The following TNS3 variants were observed in gnomAD, a reference collection of about 807,000 sequenced individuals.
TNS3 encodes tensin-3.
In TNS3, 45 loss-of-function variants were observed where a neutral mutation model predicts 140.9. That is an observed-to-expected ratio of 0.32 (90% CI 0.25 to 0.41). TNS3 has a LOEUF of 0.41. Among genes scored for constraint, TNS3 ranks in the 10% least tolerant of loss-of-function variants. The pLI, the probability that TNS3 is intolerant of heterozygous loss-of-function variation, is 1.00. For synonymous variants in TNS3, 815 were observed against 788.4 expected, an observed-to-expected ratio of 1.03 and a Z score of -0.56; for missense variants, 1,716 against 1,906.7, an observed-to-expected ratio of 0.90 and a Z score of 1.86.
Position 47,532,643 on chromosome 7 carries a change from A to G in TNS3, c.-264-3496T>C, listed in dbSNP as rs542530061. Among the ~76,000 whole-genome samples the G allele has an allele frequency of 6.1e-4, 93 of 152,198 alleles. 1 individual carries two copies. Among genetic ancestry groups the G allele is most frequent in the African/African-American group, 2.1e-3 (89 of 41,544 alleles). ...TTAACACTTAATAAAGCTTATCTTCATCTTCTTCACCCTTCCCCGTCTGCC... is the reference window on the plus strand; with the variant it reads ...TTAACACTTAATAAAGCTTATCTTCGTCTTCTTCACCCTTCCCCGTCTGCC... On this transcript the variant is annotated intron_variant, in intron 1 of 30. Transcript: ENST00000311160.
In TNS3 at chr7:47,380,998, C is replaced by T. The variant is rs1305671444; in HGVS notation, c.1025-11377G>A. On this transcript the variant is annotated intron_variant, in intron 16 of 30. Coordinates refer to ENST00000311160, the MANE Select transcript of TNS3 (RefSeq NM_022748.12). ...TGGCTATGTAGGGACTTTGATTCCG[C>T]CAAAAAGGCCAGGGCAATGTAAATA... 2.6e-5 allele frequency among the ~76,000 whole-genome samples: 4 copies of T among 152,230 alleles called. No homozygotes were observed. The South Asian group carries it at 6.2e-4, about 24-fold the overall frequency.
At position 47,481,230 on chromosome 7, in the gene TNS3, G is replaced by A. The variant is rs563997371; in HGVS notation, c.-114-89C>T. 3.4e-5 allele frequency: 35 copies of A among 1,015,800 alleles called. 1 individual carries two copies. In the Middle Eastern group the frequency reaches 1.4e-3, roughly 42 times the overall value. The allele number at this position is 1,015,800 out of a possible 1,614,324, so 62.9% of individuals were successfully genotyped here. A position where few individuals can be genotyped will look rare whatever the true frequency, so the allele number is the denominator to read the frequency against. ...CAAGCCAGGCTCCCAAAGACTGAATGAAACTGTCTCTAACCTCACTCTGGC... is the reference window on the plus strand; with the variant it reads ...CAAGCCAGGCTCCCAAAGACTGAATAAAACTGTCTCTAACCTCACTCTGGC... On this transcript the variant is annotated intron_variant, in intron 3 of 30. Transcript: ENST00000311160.
intron 3 of TNS3, among the ~76,000 whole-genome samples, chr7:47,502,260 C>T (rs982598685): frequency 6.6e-6 from 1 of 152,086 alleles, no homozygotes; most frequent in Admixed American, 6.5e-5. Context: ...CCAGCAGGCC[C>T]GTATCCCACT....
chr7:47,471,628 G>A (rs987816518), intron 4 of TNS3, among the ~76,000 whole-genome samples: 3 of 152,182 alleles, frequency 2.0e-5, no homozygotes, highest in Admixed American at 6.5e-5. Flanking sequence ...TTTTAAACAC[G>A]TTCCACTAAC....
At chr7:47,414,138 A>G in intron 11 of TNS3, 141 bp from the exon 12 acceptor site, 3 of 815,572 alleles carry the variant, frequency 3.7e-6, no homozygotes, top group South Asian at 3.2e-5. Flanking sequence ...CAGTGCATGG[A>G]GCCACAGGGT....
At chr7:47,582,579 C>G (rs138693669), upstream of TNS3, 2 of 428,026 alleles carry the variant, frequency 4.7e-6, no homozygotes, top group Non-Finnish European at 9.5e-6. Context: ...GGAGCACAGC[C>G]GCTCCGGAAA....
At chr7:47,460,977 G>A (rs772176897) in intron 4 of TNS3, among the ~76,000 whole-genome samples, 1 of 152,124 alleles carries the variant, frequency 6.6e-6, no homozygotes, top group Non-Finnish European at 1.5e-5. Context: ...TATAGATCCC[G>A]CCATGAGAAA....
chr7:47,397,433 A>G (rs889539650), intron 15 of TNS3, among the ~76,000 whole-genome samples: 14 of 152,240 alleles, frequency 9.2e-5, no homozygotes, highest in Non-Finnish European at 1.5e-4. Context: ...ACTCCCATGC[A>G]TGTGGATCTT....
chr7:47,534,632 A>G (rs530659908), intron 1 of TNS3, among the ~76,000 whole-genome samples: 1 of 152,224 alleles, frequency 6.6e-6, no homozygotes, highest in South Asian at 2.1e-4. Flanking sequence ...AGACAGAACC[A>G]CCACTGTATA....
In TNS3 at chr7:47,573,695, C is replaced by T. The variant is rs192102530; in HGVS notation, c.-265+8356G>A. ...CTCCAGATAGAGCAACCCACCACCC[C>T]GTCTCTGGGCCTGCAGGCCTGCCCG... On this transcript the variant is annotated intron_variant, in intron 1 of 30. Transcript: ENST00000311160. Among the ~76,000 whole-genome samples, 377 of 152,320 alleles carry T rather than the reference C, an allele frequency of 2.5e-3. 1 individual carries two copies. The highest frequency in any genetic ancestry group is 3.7e-3 in the Non-Finnish European group (255 of 68,036).
Position 47,293,041 on chromosome 7 carries a change from T to C in TNS3, c.3773-136A>G, listed in dbSNP as rs116063601. The stretch of plus-strand genomic sequence containing the variant: ...TTTAGCAACTGGTATGTTAGATTAG[T>C]GTGCAGCTTTGTGTAAAACTTCAAA... On this transcript the variant is annotated intron_variant, in intron 25 of 30. Coordinates refer to ENST00000311160, the MANE Select transcript of TNS3 (RefSeq NM_022748.12). 1,530 of 656,482 alleles carry C rather than the reference T, an allele frequency of 2.3e-3. 16 individuals are homozygous for C. The highest frequency in any genetic ancestry group is 0.021 in the African/African-American group (1,137 of 54,960). 40.7% of individuals were successfully genotyped at this position (656,482 alleles called of 1,614,324 possible).
chr7:47,505,944 T>C lies in TNS3; in HGVS notation c.-115+963A>G, dbSNP rs565310676. 2.0e-5 allele frequency among the ~76,000 whole-genome samples: 3 copies of C among 152,248 alleles called. No individual in the cohort carries two copies. The South Asian group carries it at 6.2e-4, about 32-fold the overall frequency. ...GGAAAACAGACCCACATGCAGTGAG[T>C]TCATGGTAACATGAAGTCAGCTTCC... On this transcript the variant is annotated intron_variant, in intron 3 of 30. Coordinates refer to ENST00000311160, the MANE Select transcript of TNS3 (RefSeq NM_022748.12).
At chr7:47,447,369 G>A (rs1007705842) in intron 4 of TNS3, among the ~76,000 whole-genome samples, 6 of 152,080 alleles carry the variant, frequency 3.9e-5, no homozygotes, top group Non-Finnish European at 4.4e-5. Context: ...CAGACTAAGC[G>A]GCAGGAAGGC....
chr7:47,539,946 G>A (rs940407775), intron 1 of TNS3, among the ~76,000 whole-genome samples: 9 of 152,124 alleles, frequency 5.9e-5, no homozygotes, highest in South Asian at 2.1e-4. Context: ...CTGGGGATGC[G>A]AAGGGACTCA....
intron 1 of TNS3, among the ~76,000 whole-genome samples, chr7:47,545,297 G>A (rs992136836): frequency 1.3e-5 from 2 of 152,030 alleles, no homozygotes; most frequent in African/African-American, 4.8e-5. Context: ...GCACCACCAT[G>A]CCCAGCTAAT....
intron 1 of TNS3, among the ~76,000 whole-genome samples, chr7:47,575,531 T>C (rs1477159762): frequency 2.6e-5 from 4 of 152,156 alleles, no homozygotes; most frequent in Non-Finnish European, 5.9e-5. Flanking sequence ...GAAGCAAAGA[T>C]ACGGCCGGGC....
At chr7:47,520,513 C>A (rs927861898) in intron 2 of TNS3, among the ~76,000 whole-genome samples, 2 of 152,202 alleles carry the variant, frequency 1.3e-5, no homozygotes, top group East Asian at 3.8e-4. Context: ...ACAACCCAGA[C>A]CGTTGAGAAA....
chr7:47,321,142 G>A lies in TNS3; in HGVS notation c.2651-16139C>T, dbSNP rs1478495699. 3.3e-5 allele frequency among the ~76,000 whole-genome samples: 5 copies of A among 152,338 alleles called. No individual in the cohort carries two copies. In the South Asian group the frequency reaches 8.3e-4, roughly 25 times the overall value. On this transcript the variant is annotated intron_variant, in intron 20 of 30. Coordinates refer to ENST00000311160, the MANE Select transcript of TNS3 (RefSeq NM_022748.12). ...ATCTCATGGGGCCCTGAGCCAGCCC[G>A]AGGAGGGAGATGATGCGGCTTCACC...
Position 47,368,515 on chromosome 7 carries a change from G to C in TNS3, c.2131C>G (p.Pro711Ala), listed in dbSNP as rs778645394. 5.6e-5 allele frequency: 89 copies of C among 1,591,940 alleles called. 2 individuals carry two copies. In the South Asian group the frequency reaches 1.0e-3, roughly 18 times the overall value. Residue 711 changes from proline (P) to alanine (A), a missense_variant, in exon 17 of 31, where the codon CCC becomes GCC. Physicochemically the swap from Pro to Ala is conservative, Grantham distance 27 (BLOSUM62 -1). Around this residue, in one of 3 missense-constraint regions of TNS3, gnomAD observed 1,163 missense variants for 1,182.1 expected, o/e 0.98. Transcript: ENST00000311160. ...TGGGTAGGGATGGGCTCGAAGGTGG[G>C]ATCCAGCTCCAGGATCAGCCTGTTG... Reference protein sequence around the residue: ...QLNRLILELDPTFEPIPTHMN... With the variant: ...QLNRLILELDATFEPIPTHMN...
Sources: allele counts gnomAD v4.1 joint callset (sites outside exome capture counted in the v4.1 genomes callset), GRCh38; gene constraint gnomAD v4.1.1; regional missense constraint gnomAD v4.1.1; transcripts MANE v1.5; gene names NCBI Gene and HGNC (gene_info 2026-07-23, HGNC 2026-07-21).